ROR1: variants seen among roughly 807,000 people sequenced by gnomAD.
ROR1 encodes the protein ROR family WNT receptor 1.
ROR1 carries 19 observed loss-of-function variants against 78.8 expected under a neutral mutation model. The ratio of observed to expected loss-of-function variants is 0.24; its 90% CI spans 0.17 to 0.35. The LOEUF is 0.35. ROR1 is among the 10% of genes least tolerant of loss of function. The pLI is 1.00. For synonymous variants in ROR1, 386 were observed against 433.6 expected, an observed-to-expected ratio of 0.89 and a Z score of 1.36; for missense variants, 917 against 1,177.8, an observed-to-expected ratio of 0.78 and a Z score of 3.24.
intron 1 of ROR1, among the ~76,000 whole-genome samples, chr1:63,818,310 C>T (rs1289224676): frequency 1.3e-5 from 2 of 152,184 alleles, no homozygotes; most frequent in Non-Finnish European, 2.9e-5. Flanking sequence ...GTTTTTCTTT[C>T]GCAGAGGCCC....
At chr1:63,904,049 AGAG>A (rs1225613872) in intron 1 of ROR1, among the ~76,000 whole-genome samples, 2 of 152,140 alleles carry the variant, frequency 1.3e-5, no homozygotes, top group Non-Finnish European at 2.9e-5. Flanking sequence ...CATTGATAGA[AGAG>A]GAGAACAGTC....
chr1:63,954,350 A>C (rs1645964939), intron 1 of ROR1, among the ~76,000 whole-genome samples: 1 of 152,230 alleles, frequency 6.6e-6, no homozygotes, highest in Non-Finnish European at 1.5e-5. Context: ...TCTGCAGGCC[A>C]GACTTGGTCA....
intron 7 of ROR1, among the ~76,000 whole-genome samples, chr1:64,153,748 AG>A (rs1439696910): frequency 6.6e-6 from 1 of 152,062 alleles, no homozygotes. Context: ...GGCTGGGGGA[AG>A]GGGGGAAATG....
intron 1 of ROR1, among the ~76,000 whole-genome samples, chr1:63,990,506 G>A (rs903731942): frequency 6.6e-6 from 1 of 152,202 alleles, no homozygotes; most frequent in Non-Finnish European, 1.5e-5. Context: ...GGATTTACAT[G>A]CCTAACTCAT....
At chr1:64,021,639 AC>A (rs2100557127) in intron 2 of ROR1, among the ~76,000 whole-genome samples, 1 of 152,346 alleles carries the variant, frequency 6.6e-6, no homozygotes, top group Non-Finnish European at 1.5e-5. Flanking sequence ...TTTCCTGGCT[AC>A]CAAGTCCATG....
In ROR1 at chr1:63,930,365, C is replaced by A. The variant is rs1050475681; in HGVS notation, c.92-78940C>A. Among the ~76,000 whole-genome samples, 8 of 152,308 alleles carry A rather than the reference C, an allele frequency of 5.3e-5. No homozygotes were observed. The South Asian group carries it at 1.7e-3, about 32-fold the overall frequency. The stretch of plus-strand genomic sequence containing the variant: ...AAAGCAAGTCATAGGCTAAATTATT[C>A]ACAAGTACAAGCATTTATTAGCCAG... On this transcript the variant is annotated intron_variant, in intron 1 of 8. Transcript: ENST00000371079.
chr1:64,091,219 C>T (rs116343123), intron 4 of ROR1, among the ~76,000 whole-genome samples: 2,806 of 152,132 alleles, frequency 0.018, 83 homozygotes, highest in African/African-American at 0.065. Context: ...GGTGTTTCCT[C>T]CATACCCCGG....
At chr1:63,858,742 A>C (rs1645163095) in intron 1 of ROR1, among the ~76,000 whole-genome samples, 1 of 152,132 alleles carries the variant, frequency 6.6e-6, no homozygotes, top group Non-Finnish European at 1.5e-5. Context: ...GCTGTCCAGA[A>C]TGCTAATTAA....
chr1:64,180,590 CAT>C lies in ROR1; in HGVS notation c.*1738_*1739del, dbSNP rs1184590712. ...CAGATTTCTGGGAGATAAATTAAAA[CAT>C]ATTTTTGTGGCATAAATAAGCTGAT... On this transcript the variant is annotated 3_prime_UTR_variant, in exon 9 of 9. Transcript: ENST00000371079. 1 of 152,148 alleles carries C rather than the reference CAT, an allele frequency of 6.6e-6. No individual in the cohort carries two copies. The highest frequency in any genetic ancestry group is 2.4e-5 in the African/African-American group (1 of 41,438). The allele number at this position is 152,148 out of a possible 1,614,324, so 9.4% of individuals were successfully genotyped here.
At chr1:63,974,693 A>C (rs1198793834) in intron 1 of ROR1, among the ~76,000 whole-genome samples, 1 of 152,044 alleles carries the variant, frequency 6.6e-6, no homozygotes, top group Non-Finnish European at 1.5e-5. Flanking sequence ...GCTGGAGTGC[A>C]GTGGTATGAT....
intron 1 of ROR1, among the ~76,000 whole-genome samples, chr1:63,968,754 T>C (rs1470674569): frequency 6.6e-6 from 1 of 152,164 alleles, no homozygotes; most frequent in Non-Finnish European, 1.5e-5. Flanking sequence ...TCCATGTCCA[T>C]GGCACTACGG....
At chr1:63,995,579 T>C (rs904421085) in intron 1 of ROR1, among the ~76,000 whole-genome samples, 3 of 152,206 alleles carry the variant, frequency 2.0e-5, no homozygotes, top group Admixed American at 1.3e-4. Context: ...TTTAGTGGAA[T>C]GATTATGGGC....
At position 63,855,794 on chromosome 1, in the gene ROR1, G is replaced by A. The variant is rs1002184682; in HGVS notation, c.91+81286G>A. On this transcript the variant is annotated intron_variant, in intron 1 of 8. Transcript: ENST00000371079. The stretch of plus-strand genomic sequence containing the variant: ...CTCCCAAGTAGCTGGGACTATAGGC[G>A]CATGCCACCACGCCCCACTAATTTT... Among the ~76,000 whole-genome samples the A allele has an allele frequency of 1.3e-5, 2 of 149,162 alleles. 1 individual carries two copies. The highest frequency in any genetic ancestry group is 4.3e-4 in the South Asian group (2 of 4,658).
At chr1:63,925,396 C>T (rs1038813307) in intron 1 of ROR1, among the ~76,000 whole-genome samples, 2 of 151,614 alleles carry the variant, frequency 1.3e-5, no homozygotes, top group Non-Finnish European at 2.9e-5. Context: ...GCCACATTTT[C>T]TTAATCCAGT....
chr1:63,918,589 C>T (rs182408849), intron 1 of ROR1, among the ~76,000 whole-genome samples: 2 of 152,300 alleles, frequency 1.3e-5, no homozygotes, highest in East Asian at 3.9e-4. Context: ...TTCACATGCT[C>T]TCGAGAATTT....
intron 1 of ROR1, among the ~76,000 whole-genome samples, chr1:63,819,833 A>T (rs183616103): frequency 6.6e-6 from 1 of 152,198 alleles, no homozygotes. Flanking sequence ...TAAAGTTTAC[A>T]TAATGTATGT....
At chr1:63,983,831 A>C (rs983112309) in intron 1 of ROR1, among the ~76,000 whole-genome samples, 4 of 152,194 alleles carry the variant, frequency 2.6e-5, no homozygotes, top group African/African-American at 9.6e-5. Flanking sequence ...TTTTGAGATA[A>C]GGTAAATTTC....
chr1:63,976,814 G>A (rs1646164998), intron 1 of ROR1, among the ~76,000 whole-genome samples: 1 of 152,026 alleles, frequency 6.6e-6, no homozygotes, highest in South Asian at 2.1e-4. Flanking sequence ...GCATATATAT[G>A]GTGAGATATC....
At chr1:63,905,488 A>G (rs1645520818) in intron 1 of ROR1, among the ~76,000 whole-genome samples, 1 of 152,206 alleles carries the variant, frequency 6.6e-6, no homozygotes, top group Admixed American at 6.5e-5. Context: ...AAACTAATCA[A>G]CTTTCTAATG....
Sources: gnomAD v4.1 joint callset for allele counts (sites outside exome capture counted in the v4.1 genomes callset) on GRCh38, gnomAD v4.1.1 for gene constraint, MANE v1.5 for transcripts, NCBI Gene and HGNC (gene_info 2026-07-23, HGNC 2026-07-21) for gene names.